The following MDGA2 variants were observed in gnomAD, a reference collection of about 807,000 sequenced individuals.
The protein encoded by MDGA2 is MAM domain-containing glycosylphosphatidylinositol anchor protein 2.
Under a neutral mutation model 117.8 loss-of-function variants are expected in MDGA2, and 40 were observed. The observed-to-expected ratio is 0.34, with a 90% CI of 0.26 to 0.44. The LOEUF (loss-of-function observed/expected upper bound fraction) is 0.44, where lower values mean the gene tolerates loss of function less well. MDGA2 is among the 20% of genes least tolerant of loss of function. The pLI, the probability that MDGA2 is intolerant of heterozygous loss-of-function variation, is 1.00. For missense variants in MDGA2, 1,123 were observed against 1,250.6 expected, an observed-to-expected ratio of 0.90 and a Z score of 1.54; for synonymous variants, 452 against 439.0, an observed-to-expected ratio of 1.03 and a Z score of -0.37.
chr14:47,191,310 A>G (rs946899050), intron 3 of MDGA2, among the ~76,000 whole-genome samples: 3 of 151,396 alleles, frequency 2.0e-5, no homozygotes, highest in Non-Finnish European at 4.4e-5. Context: ...AGACTCAATA[A>G]AATTAACCAG....
chr14:46,998,554 G>T (rs1887385239), intron 8 of MDGA2, among the ~76,000 whole-genome samples: 1 of 152,126 alleles, frequency 6.6e-6, no homozygotes. Flanking sequence ...AGATCCAGAA[G>T]TTGAAAGCCA....
At chr14:46,969,756 G>A (rs375002106) in intron 8 of MDGA2, among the ~76,000 whole-genome samples, 1 of 151,698 alleles carries the variant, frequency 6.6e-6, no homozygotes, top group East Asian at 2.0e-4. Flanking sequence ...GACACAGGAA[G>A]GGGAACATCA....
At chr14:47,281,589 A>G (rs1888492118) in intron 2 of MDGA2, among the ~76,000 whole-genome samples, 1 of 152,208 alleles carries the variant, frequency 6.6e-6, no homozygotes, top group Non-Finnish European at 1.5e-5. Context: ...CAGAGAATCT[A>G]GGTATTGTCA....
chr14:47,299,793 T>A, intron 2 of MDGA2, among the ~76,000 whole-genome samples: 1 of 152,174 alleles, frequency 6.6e-6, no homozygotes, highest in East Asian at 1.9e-4. Flanking sequence ...TCAAGCGTAA[T>A]TATCCTGGCT....
chr14:47,229,657 TA>T (rs1016696135), intron 2 of MDGA2, among the ~76,000 whole-genome samples: 1 of 149,858 alleles, frequency 6.7e-6, no homozygotes. Context: ...TTTAAAAATC[TA>T]AAAAAAAATA....
rs77069258 is a variant in MDGA2 at position 47,665,373 on chromosome 14, T to C, written c.280+9144A>G. Among the ~76,000 whole-genome samples the C allele has an allele frequency of 6.1e-3, 929 of 152,312 alleles. 12 individuals are homozygous for C. Among genetic ancestry groups the C allele is most frequent in the African/African-American group, 0.021 (880 of 41,568 alleles). ...TGATTTTACAGCACTTACTGAGAGGTGACAGTGTGCTGGCAGCCCTCACAA... is the reference window on the plus strand; with the variant it reads ...TGATTTTACAGCACTTACTGAGAGGCGACAGTGTGCTGGCAGCCCTCACAA... On this transcript the variant is annotated intron_variant, in intron 1 of 16. Transcript: ENST00000399232.
chr14:47,579,628 T>G (rs1309950577), intron 1 of MDGA2, among the ~76,000 whole-genome samples: 1 of 152,034 alleles, frequency 6.6e-6, no homozygotes, highest in African/African-American at 2.4e-5. Context: ...TGGACTGATA[T>G]GATAATTTAA....
intron 1 of MDGA2, among the ~76,000 whole-genome samples, chr14:47,603,909 C>G (rs1189267319): frequency 6.6e-6 from 1 of 152,158 alleles, no homozygotes; most frequent in Non-Finnish European, 1.5e-5. Flanking sequence ...CTTCCCTGCT[C>G]TCTTTCTTGC....
At chr14:47,324,836 CAGAGAGAGAG>C (rs918649667) in intron 1 of MDGA2, among the ~76,000 whole-genome samples, 27 of 149,396 alleles carry the variant, frequency 1.8e-4, no homozygotes, top group Admixed American at 1.2e-3. Flanking sequence ...ATTGTATACA[CAGAGAGAGAG>C]AGAGAGAAAG....
intron 1 of MDGA2, among the ~76,000 whole-genome samples, chr14:47,364,667 T>G (rs1891194627): frequency 6.6e-6 from 1 of 152,282 alleles, no homozygotes; most frequent in African/African-American, 2.4e-5. Flanking sequence ...ATACTCACTT[T>G]GTTTTGTTGG....
At chr14:47,398,762 T>G (rs1043760011) in intron 1 of MDGA2, among the ~76,000 whole-genome samples, 1 of 152,210 alleles carries the variant, frequency 6.6e-6, no homozygotes, top group African/African-American at 2.4e-5. Flanking sequence ...CTTCATCTTT[T>G]CAGTTATTTC....
At chr14:47,500,070 A>G (rs1452826650) in intron 1 of MDGA2, among the ~76,000 whole-genome samples, 2 of 152,196 alleles carry the variant, frequency 1.3e-5, no homozygotes, top group Admixed American at 6.5e-5. Flanking sequence ...TATTTTCACA[A>G]AACAGTATGA....
chr14:47,446,665 C>A (rs923578364), intron 1 of MDGA2, among the ~76,000 whole-genome samples: 1 of 152,000 alleles, frequency 6.6e-6, no homozygotes, highest in Non-Finnish European at 1.5e-5. Flanking sequence ...AAAGATAGTT[C>A]TCCCACTTGT....
At position 47,328,669 on chromosome 14, in the gene MDGA2, G is replaced by A. The variant is rs375250741; in HGVS notation, c.281-27119C>T. 2.6e-5 allele frequency among the ~76,000 whole-genome samples: 4 copies of A among 152,110 alleles called. No homozygotes were observed. In the South Asian group the frequency reaches 8.3e-4, roughly 32 times the overall value. ...TTTGAATTTTTTTAAATTTATTTCT[G>A]TTTTTACTTTTCCAGGTATCTAATG... On this transcript the variant is annotated intron_variant, in intron 1 of 16. Transcript: ENST00000399232.
intron 1 of MDGA2, among the ~76,000 whole-genome samples, chr14:47,491,935 A>G (rs377560750): frequency 6.6e-6 from 1 of 152,072 alleles, no homozygotes; most frequent in Non-Finnish European, 1.5e-5. Flanking sequence ...CTGGTAATAC[A>G]CACTTTTCAT....
At chr14:47,019,025 T>C (rs1888188846) in intron 8 of MDGA2, among the ~76,000 whole-genome samples, 1 of 152,194 alleles carries the variant, frequency 6.6e-6, no homozygotes, top group Non-Finnish European at 1.5e-5. Context: ...TAATTCTTAC[T>C]TGAATTTCCC....
At chr14:47,249,474 A>G (rs1435793983) in intron 2 of MDGA2, among the ~76,000 whole-genome samples, 2 of 152,254 alleles carry the variant, frequency 1.3e-5, no homozygotes, top group African/African-American at 4.8e-5. Flanking sequence ...GGCATGTGCC[A>G]CCACACCCAG....
intron 14 of MDGA2, among the ~76,000 whole-genome samples, chr14:46,857,677 T>TG (rs989211562): frequency 6.6e-6 from 1 of 152,120 alleles, no homozygotes; most frequent in Non-Finnish European, 1.5e-5. Context: ...TTTTAAGAGA[T>TG]GGGGTCTTGC....
intron 3 of MDGA2, among the ~76,000 whole-genome samples, chr14:47,155,094 A>G (rs899105392): frequency 1.3e-5 from 2 of 152,166 alleles, no homozygotes; most frequent in African/African-American, 4.8e-5. Flanking sequence ...TGAGAGCTGT[A>G]CACTCATCAT....
Sources: allele counts gnomAD v4.1 joint callset (sites outside exome capture counted in the v4.1 genomes callset), GRCh38; gene constraint gnomAD v4.1.1; transcripts MANE v1.5; gene names NCBI Gene and HGNC (gene_info 2026-07-23, HGNC 2026-07-21).